The following SNX29 variants were observed in gnomAD, a reference collection of about 807,000 sequenced individuals.
SNX29 encodes sorting nexin-29.
SNX29 carries 78 observed loss-of-function variants against 102.1 expected under a neutral mutation model. The ratio of observed to expected loss-of-function variants is 0.76; its 90% confidence interval spans 0.64 to 0.92. The LOEUF (loss-of-function observed/expected upper bound fraction) is 0.92. SNX29 is among the 40% of genes least tolerant of loss of function. The probability of loss-of-function intolerance (pLI) is 0.00; values close to 1 mark genes in which losing one functional copy is unlikely to be tolerated. For synonymous variants in SNX29, 580 were observed against 414.5 expected (o/e 1.40, Z -4.85); for missense variants, 1,280 against 1,061.7 (o/e 1.21, Z -2.86).
intron 13 of SNX29, among the ~76,000 whole-genome samples, chr16:12,145,025 T>C (rs2055008001): frequency 6.6e-6 from 1 of 152,198 alleles, no homozygotes. Context: ...CCGGCCTCTT[T>C]GTGGGTTTTT....
At chr16:12,385,157 C>A (rs902312998) in intron 16 of SNX29, among the ~76,000 whole-genome samples, 1 of 152,102 alleles carries the variant, frequency 6.6e-6, no homozygotes, top group Admixed American at 6.5e-5. Flanking sequence ...GCAACAAGAG[C>A]GAAACTCCAT....
chr16:12,421,874 T>TCCATCA (rs1187013717), intron 18 of SNX29, among the ~76,000 whole-genome samples: 2 of 150,810 alleles, frequency 1.3e-5, no homozygotes, highest in African/African-American at 4.9e-5. Context: ...TCACCAGCCG[T>TCCATCA]CCATCACCAT....
intron 20 of SNX29, among the ~76,000 whole-genome samples, chr16:12,537,506 G>C (rs927152946): frequency 1.3e-5 from 2 of 152,212 alleles, no homozygotes; most frequent in African/African-American, 4.8e-5. Flanking sequence ...AGATTTCACA[G>C]GCTTGTTGGG....
chr16:12,452,455 G>A (rs1446109441), intron 18 of SNX29, among the ~76,000 whole-genome samples: 1 of 53,354 alleles, frequency 1.9e-5, no homozygotes, highest in Non-Finnish European at 3.4e-5. Context: ...TCAGAGATCA[G>A]AGGCAGATGC....
At chr16:12,454,802 C>G (rs991095563) in intron 18 of SNX29, among the ~76,000 whole-genome samples, 1 of 152,146 alleles carries the variant, frequency 6.6e-6, no homozygotes. Flanking sequence ...TCACTGCAAC[C>G]TCTGCCTCCC....
chr16:12,383,577 C>T (rs2083249735), intron 16 of SNX29, among the ~76,000 whole-genome samples: 1 of 151,840 alleles, frequency 6.6e-6, no homozygotes, highest in African/African-American at 2.4e-5. Flanking sequence ...GCTGGGATTA[C>T]AGGCGCCCAC....
chr16:12,197,685 C>T (rs1359309249), intron 13 of SNX29, among the ~76,000 whole-genome samples: 2 of 152,200 alleles, frequency 1.3e-5, no homozygotes, highest in Non-Finnish European at 2.9e-5. Flanking sequence ...TGATTCATGT[C>T]ACAGATGGAG....
Position 12,013,541 on chromosome 16 carries a change from A to ATATATATATATATATATG in SNX29, c.122+10499_122+10500insATATATATATATATATGT, listed in dbSNP as rs1325376334. Among the ~76,000 whole-genome samples the ATATATATATATATATATG allele has an allele frequency of 1.2e-4, 14 of 119,222 alleles. 1 individual carries two copies. The East Asian group carries it at 1.3e-3, about 11-fold the overall frequency. 78.2% of individuals were successfully genotyped at this position (119,222 alleles called of 152,430 possible). A position where few individuals can be genotyped will look rare whatever the true frequency, so the allele number is the denominator to read the frequency against. On this transcript the variant is annotated intron_variant, in intron 3 of 20. Coordinates refer to ENST00000566228, the MANE Select transcript of SNX29 (RefSeq NM_032167.5). ...TATATATATATATATATATATATAT[A>ATATATATATATATATATG]TCGAGAGAGGAGAAAAGGGTGGTCT...
chr16:11,998,888 A>G (rs2056183939), intron 1 of SNX29, among the ~76,000 whole-genome samples: 1 of 152,098 alleles, frequency 6.6e-6, no homozygotes, highest in Admixed American at 6.5e-5. Context: ...TGGGAAACTT[A>G]TATTTTATTT....
intron 9 of SNX29, among the ~76,000 whole-genome samples, chr16:12,062,833 G>T (rs766200069): frequency 3.3e-5 from 5 of 152,194 alleles, no homozygotes; most frequent in Non-Finnish European, 5.9e-5. Context: ...GAAGCACAGA[G>T]GCAGGGCGGG....
chr16:12,300,429 C>G (rs1420071972), intron 15 of SNX29, among the ~76,000 whole-genome samples: 1 of 152,118 alleles, frequency 6.6e-6, no homozygotes, highest in Non-Finnish European at 1.5e-5. Context: ...ATATTTTACT[C>G]TGTATATTTT....
chr16:12,399,033 A>G (rs9930778), intron 17 of SNX29, among the ~76,000 whole-genome samples: 115,334 of 152,102 alleles, frequency 0.76, 44,764 homozygotes, highest in African/African-American at 0.94. Flanking sequence ...TGAGCCACCC[A>G]TAGGGAGAGA....
intron 16 of SNX29, among the ~76,000 whole-genome samples, chr16:12,357,813 T>G (rs1278819388): frequency 1.3e-5 from 2 of 152,224 alleles, no homozygotes; most frequent in Non-Finnish European, 2.9e-5. Context: ...TCTCCCCTTC[T>G]CTCTCATAAT....
At chr16:12,294,217 G>A (rs1481148646) in intron 15 of SNX29, among the ~76,000 whole-genome samples, 1 of 152,238 alleles carries the variant, frequency 6.6e-6, no homozygotes, top group Non-Finnish European at 1.5e-5. Context: ...CATTTCCAAT[G>A]TGTAGCATTT....
intron 20 of SNX29, among the ~76,000 whole-genome samples, chr16:12,541,259 GA>G (rs2077325219): frequency 6.6e-6 from 1 of 152,142 alleles, no homozygotes; most frequent in Admixed American, 6.5e-5. Context: ...TCTTATCAGG[GA>G]GAGAATGACA....
chr16:12,554,130 G>C (rs1167464286), intron 20 of SNX29, among the ~76,000 whole-genome samples: 1 of 152,204 alleles, frequency 6.6e-6, no homozygotes, highest in African/African-American at 2.4e-5. Context: ...GCCCAGCCTG[G>C]ATGCTTTGCT....
chr16:12,093,602 T>C (rs1345932895), intron 11 of SNX29: 1 of 152,166 alleles, frequency 6.6e-6, no homozygotes, highest in African/African-American at 2.4e-5. Flanking sequence ...TGAGACCGTG[T>C]CTTAAAGAGA....
At chr16:12,514,932 GAAA>G (rs1410050699) in intron 19 of SNX29, among the ~76,000 whole-genome samples, 35 of 151,078 alleles carry the variant, frequency 2.3e-4, no homozygotes, top group African/African-American at 8.5e-4. Context: ...AAGAAAGAAA[GAAA>G]GAAAGAGAGA....
intron 19 of SNX29, among the ~76,000 whole-genome samples, chr16:12,493,443 G>T (rs1021188568): frequency 3.3e-5 from 5 of 152,086 alleles, no homozygotes; most frequent in Non-Finnish European, 5.9e-5. Flanking sequence ...GGGCTGAGAC[G>T]ATGGGGTTTT....
Sources: allele counts gnomAD v4.1 joint callset (sites outside exome capture counted in the v4.1 genomes callset), GRCh38; gene constraint gnomAD v4.1.1; transcripts MANE v1.5; gene names NCBI Gene and HGNC (gene_info 2026-07-23, HGNC 2026-07-21).